Variants in PDIA3 observed in about 807,000 individuals in gnomAD.
The protein encoded by PDIA3 is protein disulfide-isomerase A3.
A neutral mutation model predicts 56.9 loss-of-function variants in PDIA3; 16 were observed. The ratio of observed to expected loss-of-function variants is 0.28; its 90% CI spans 0.19 to 0.43. The LOEUF is 0.43. Among genes scored for constraint, PDIA3 ranks in the 20% least tolerant of loss-of-function variants. The pLI is 1.00. For missense variants in PDIA3, 485 were observed against 621.3 expected (o/e 0.78, Z 2.33); for synonymous variants, 192 against 216.5 (o/e 0.89, Z 0.99).
rs577443595 is a variant in PDIA3 at position 43,760,323 on chromosome 15, C to T, written c.365-1101C>T. 9.3e-5 allele frequency among the ~76,000 whole-genome samples: 14 copies of T among 149,924 alleles called. No individual in the cohort carries two copies. In the South Asian group the frequency reaches 2.3e-3, roughly 25 times the overall value. ...AGAGGTCTGATTGACCCTGGGAGGT[C>T]GAGGCTGCAGTGAGCAATGATCATG... On this transcript the variant is annotated intron_variant, in intron 3 of 12. Transcript: ENST00000300289.
chr15:43,755,914 CAA>C (rs71854552), intron 2 of PDIA3, among the ~76,000 whole-genome samples: 8 of 88,550 alleles, frequency 9.0e-5, no homozygotes, highest in Admixed American at 1.2e-4. Context: ...AACTCCGTCT[CAA>C]AAAAAAAAAA....
At position 43,772,281 on chromosome 15, in the gene PDIA3, A is replaced by T. The variant is rs1681216505; in HGVS notation, c.*1063A>T. 1 of 152,246 alleles carries T rather than the reference A, an allele frequency of 6.6e-6. No homozygotes were observed. Among genetic ancestry groups the T allele is most frequent in the Non-Finnish European group, 1.5e-5 (1 of 68,044 alleles). 9.4% of individuals were successfully genotyped at this position (152,246 alleles called of 1,614,324 possible). On this transcript the variant is annotated 3_prime_UTR_variant, in exon 13 of 13. Transcript: ENST00000300289. ...TAGTTTTCAGTCACTGGAGAATTCC[A>T]GGTAGGAGCCCTACTTTAGGTGATC...
At chr15:43,751,843 A>G (rs1199343353) in intron 1 of PDIA3, 4 of 931,428 alleles carry the variant, frequency 4.3e-6, no homozygotes, top group Non-Finnish European at 5.9e-6. Context: ...GGCTTGACCT[A>G]GTAACTATTG....
chr15:43,759,298 G>A (rs919738913), intron 3 of PDIA3, among the ~76,000 whole-genome samples: 18 of 152,016 alleles, frequency 1.2e-4, no homozygotes, highest in African/African-American at 3.4e-4. Flanking sequence ...TCAAAAATAA[G>A]TAAATAAATA....
At chr15:43,769,765 CT>C in intron 10 of PDIA3, 119 bp downstream of exon 10, 1 of 1,103,234 alleles carries the variant, frequency 9.1e-7, no homozygotes, top group South Asian at 1.5e-5. Flanking sequence ...TTCCCAATTA[CT>C]TGCTGTTTAC....
chr15:43,766,134 TAA>T (rs34486889), intron 7 of PDIA3, 122 bp downstream of exon 7: 16,233 of 330,252 alleles, frequency 0.049, 6 homozygotes, highest in East Asian at 0.069. Context: ...TAAGAAGAGG[TAA>T]AAAAAAAAAA....
At chr15:43,766,588 G>A (rs2086848744) in intron 7 of PDIA3, 140 bp from the exon 8 acceptor site, 1 of 669,986 alleles carries the variant, frequency 1.5e-6, no homozygotes, top group Non-Finnish European at 2.5e-6. Flanking sequence ...CAGTGCCCAA[G>A]AGCTCAGACT....
Position 43,773,025 on chromosome 15 carries a change from G to A in PDIA3, c.*1807G>A. 1.6e-6 allele frequency: 2 copies of A among 1,242,026 alleles called. No homozygotes were observed. The highest frequency in any genetic ancestry group is 2.3e-6 in the Non-Finnish European group (2 of 885,624). The allele number at this position is 1,242,026 out of a possible 1,614,324, so 76.9% of individuals were successfully genotyped here. A position where few individuals can be genotyped will look rare whatever the true frequency, so the allele number is the denominator to read the frequency against. On this transcript the variant is annotated 3_prime_UTR_variant, in exon 13 of 13. Coordinates refer to ENST00000300289, the MANE Select transcript of PDIA3 (RefSeq NM_005313.5). ...CCATGGACTCCAGTGGTCAGCATAA[G>A]AAAAGCAGATAGTTGCATTCTATTT...
intron 1 of PDIA3, among the ~76,000 whole-genome samples, chr15:43,748,341 A>G (rs999613818): frequency 6.6e-6 from 1 of 152,114 alleles, no homozygotes; most frequent in Non-Finnish European, 1.5e-5. Flanking sequence ...AGCCGGGCAT[A>G]GTGGCACATG....
rs923962950 is a variant in PDIA3, at chr15:43,770,944, A to G, written c.1405-161A>G. On this transcript the variant is annotated intron_variant, in intron 12 of 12. Transcript: ENST00000300289. ...GATTACAGGCGTGAGCCACCGTGCT[A>G]GGCTAATTGGGTTTATTTAACTAAA... is the stretch of plus-strand genomic sequence containing the variant. Among the ~76,000 whole-genome samples the G allele has an allele frequency of 5.3e-5, 8 of 152,082 alleles. 1 individual carries two copies. The highest frequency in any genetic ancestry group is 8.8e-5 in the Non-Finnish European group (6 of 68,012).
chr15:43,764,242 G>A lies in PDIA3; in HGVS notation c.602+1036G>A, dbSNP rs538280068. 7.2e-5 allele frequency among the ~76,000 whole-genome samples: 11 copies of A among 152,230 alleles called. No homozygotes were observed. In the South Asian group the frequency reaches 2.3e-3, roughly 32 times the overall value. On this transcript the variant is annotated intron_variant, in intron 5 of 12. Transcript: ENST00000300289. ...GGGTTAAATTTGTGAAGAAGTCACT[G>A]GCAGCCACATGATAATGATTTGAAG...
chr15:43,773,192 C>G lies in PDIA3; in HGVS notation c.*1974C>G, dbSNP rs1471715872. On this transcript the variant is annotated 3_prime_UTR_variant, in exon 13 of 13. Coordinates refer to ENST00000300289, the MANE Select transcript of PDIA3 (RefSeq NM_005313.5). Reference sequence around the variant, plus strand: ...GGACAATTTCTGGTGAAGGTACTCACAGCGACGCTTTTCTTCTCTGTAACT... The same window carrying G: ...GGACAATTTCTGGTGAAGGTACTCAGAGCGACGCTTTTCTTCTCTGTAACT... The G allele has an allele frequency of 3.1e-6, 5 of 1,613,924 alleles. No individual in the cohort carries two copies. The African/African-American group carries it at 6.7e-5, about 22-fold the overall frequency.
intron 3 of PDIA3, among the ~76,000 whole-genome samples, chr15:43,760,076 CAA>C (rs771456831): frequency 3.9e-5 from 6 of 152,018 alleles, no homozygotes; most frequent in Admixed American, 2.0e-4. Context: ...GCCTGGGTGA[CAA>C]GAGTGAAACT....
chr15:43,751,560 G>C (rs1236977366), intron 1 of PDIA3: 1 of 1,300,214 alleles, frequency 7.7e-7, no homozygotes, highest in Non-Finnish European at 1.0e-6. Context: ...AACCAACCCT[G>C]ATTTCCCTTA....
intron 2 of PDIA3, 54 bp from the exon 3 acceptor site, chr15:43,756,595 G>A (rs953044893): frequency 2.2e-5 from 22 of 1,003,482 alleles, no homozygotes; most frequent in Admixed American, 6.9e-5. Flanking sequence ...AATATAGGAA[G>A]AACCTGCAGC....
intron 12 of PDIA3, 146 bp downstream of exon 12, chr15:43,770,726 T>C (rs2086876393): frequency 1.6e-6 from 1 of 643,698 alleles, no homozygotes. Context: ...TGGAGTGCAA[T>C]GGCGTGATCT....
At chr15:43,750,621 A>G (rs545617199) in intron 1 of PDIA3, among the ~76,000 whole-genome samples, 2 of 151,828 alleles carry the variant, frequency 1.3e-5, no homozygotes, top group Admixed American at 1.3e-4. Flanking sequence ...TAAAAATACA[A>G]AAAGTTAGCT....
intron 1 of PDIA3, among the ~76,000 whole-genome samples, chr15:43,753,137 G>A (rs1220190236): frequency 6.6e-6 from 1 of 150,906 alleles, no homozygotes; most frequent in Non-Finnish European, 1.5e-5. Flanking sequence ...GAGTGCAGTG[G>A]CGCGATGTCA....
chr15:43,768,834 C>T (rs1024309399), intron 9 of PDIA3, among the ~76,000 whole-genome samples: 2 of 151,958 alleles, frequency 1.3e-5, no homozygotes, highest in Non-Finnish European at 2.9e-5. Flanking sequence ...CCAGCCTGCC[C>T]AACATGGTGA....
Sources: allele counts gnomAD v4.1 joint callset (sites outside exome capture counted in the v4.1 genomes callset), GRCh38; gene constraint gnomAD v4.1.1; transcripts MANE v1.5; gene names NCBI Gene and HGNC (gene_info 2026-07-23, HGNC 2026-07-21).